The following CRPPA variants were observed in gnomAD, a reference collection of about 807,000 sequenced individuals.
CRPPA encodes the protein D-ribitol-5-phosphate cytidylyltransferase.
A neutral mutation model predicts 52.0 loss-of-function variants in CRPPA; 43 were observed. The observed-to-expected ratio is 0.83, with a 90% CI of 0.65 to 1.07. CRPPA has a LOEUF of 1.07. CRPPA is among the 50% of genes least tolerant of loss of function. CRPPA has a pLI of 0.00. For missense variants in CRPPA, 629 were observed against 551.7 expected, an observed-to-expected ratio of 1.14 and a Z score of -1.40; for synonymous variants, 250 against 203.5, an observed-to-expected ratio of 1.23 and a Z score of -1.94.
chr7:16,152,600 G>A (rs1286568491), intron 9 of CRPPA, among the ~76,000 whole-genome samples: 1 of 151,874 alleles, frequency 6.6e-6, no homozygotes, highest in African/African-American at 2.4e-5. Flanking sequence ...TGAAACTGAG[G>A]TTAAAACAAC....
chr7:16,140,281 G>A (rs1456892120), intron 9 of CRPPA, among the ~76,000 whole-genome samples: 1 of 151,994 alleles, frequency 6.6e-6, no homozygotes, highest in African/African-American at 2.4e-5. Context: ...CTGAGTAGCT[G>A]GGACTACAGG....
chr7:16,308,186 G>A (rs1304470174), intron 4 of CRPPA, among the ~76,000 whole-genome samples: 1 of 152,148 alleles, frequency 6.6e-6, no homozygotes, highest in Non-Finnish European at 1.5e-5. Context: ...GCAGAACCAT[G>A]AGCCAATTAA....
chr7:16,364,564 T>A (rs146768971), intron 3 of CRPPA, among the ~76,000 whole-genome samples: 2 of 152,328 alleles, frequency 1.3e-5, no homozygotes, highest in African/African-American at 4.8e-5. Context: ...AGCAGCAGAC[T>A]TGCAGGTTGC....
chr7:16,236,227 G>A (rs1482591373), intron 8 of CRPPA, among the ~76,000 whole-genome samples: 2 of 151,940 alleles, frequency 1.3e-5, no homozygotes, highest in South Asian at 2.1e-4. Flanking sequence ...CTATATTCTC[G>A]AAGTGGAAAT....
chr7:16,246,001 T>C (rs1399092380), intron 8 of CRPPA, among the ~76,000 whole-genome samples: 2 of 152,074 alleles, frequency 1.3e-5, no homozygotes, highest in Non-Finnish European at 1.5e-5. Context: ...CTTCTTAAAA[T>C]AAGACAACAA....
intron 3 of CRPPA, among the ~76,000 whole-genome samples, chr7:16,342,820 CATATATAG>C (rs369398793): frequency 0.016 from 1,410 of 86,636 alleles, 68 homozygotes; most frequent in African/African-American, 0.072. Flanking sequence ...TATAGATATA[CATATATAG>C]ATATATAGAT....
intron 3 of CRPPA, among the ~76,000 whole-genome samples, chr7:16,324,929 A>C (rs931334637): frequency 2.2e-4 from 34 of 152,214 alleles, no homozygotes; most frequent in African/African-American, 8.0e-4. Flanking sequence ...TTTTTTAAGG[A>C]AATGTCTAGA....
At chr7:16,207,642 T>A (rs373138026) in intron 9 of CRPPA, among the ~76,000 whole-genome samples, 1 of 152,228 alleles carries the variant, frequency 6.6e-6, no homozygotes, top group South Asian at 2.1e-4. Context: ...AATAATGCCA[T>A]GTACATTAGA....
At chr7:16,213,684 G>A (rs1782216900) in intron 9 of CRPPA, among the ~76,000 whole-genome samples, 1 of 151,844 alleles carries the variant, frequency 6.6e-6, no homozygotes, top group South Asian at 2.1e-4. Context: ...AGGAGGTGGA[G>A]GTTGCAATGA....
intron 3 of CRPPA, among the ~76,000 whole-genome samples, chr7:16,352,230 A>G (rs1786173926): frequency 6.6e-6 from 1 of 150,720 alleles, no homozygotes; most frequent in Non-Finnish European, 1.5e-5. Flanking sequence ...ACATGGACAC[A>G]GGGGAGGGGA....
chr7:16,244,682 C>G (rs1783219555), intron 8 of CRPPA, among the ~76,000 whole-genome samples: 1 of 152,130 alleles, frequency 6.6e-6, no homozygotes, highest in Non-Finnish European at 1.5e-5. Context: ...CTGCAAATGA[C>G]AACCTTAACT....
rs1023849804 is a variant in CRPPA at position 16,116,462 on chromosome 7, C to T, written c.1252-24663G>A. Among the ~76,000 whole-genome samples, 3 of 152,012 alleles carry T rather than the reference C, an allele frequency of 2.0e-5. No individual in the cohort carries two copies. In the South Asian group the frequency reaches 6.2e-4, roughly 31 times the overall value. On this transcript the variant is annotated intron_variant, in intron 9 of 9. Coordinates refer to ENST00000407010, the MANE Select transcript of CRPPA (RefSeq NM_001101426.4). ...GGTGGATCACCTGAGGTCAGGCATT[C>T]AAGACCAGCCTGGCCAACATGGCGA...
intron 8 of CRPPA, among the ~76,000 whole-genome samples, chr7:16,252,368 ACT>A (rs1409954262): frequency 6.6e-6 from 1 of 152,062 alleles, no homozygotes; most frequent in Non-Finnish European, 1.5e-5. Flanking sequence ...CATGCTAAAA[ACT>A]CTCAATAAAC....
intron 5 of CRPPA, among the ~76,000 whole-genome samples, chr7:16,293,655 A>G (rs1032176647): frequency 6.6e-6 from 1 of 151,992 alleles, no homozygotes; most frequent in Non-Finnish European, 1.5e-5. Flanking sequence ...CATGCAAGAA[A>G]ACCATACACG....
chr7:16,128,436 G>T (rs147726036), intron 9 of CRPPA, among the ~76,000 whole-genome samples: 232 of 152,148 alleles, frequency 1.5e-3, no homozygotes, highest in Admixed American at 3.7e-3. Flanking sequence ...AGGGAAATCT[G>T]AAGAGTTTTT....
intron 8 of CRPPA, among the ~76,000 whole-genome samples, chr7:16,245,983 T>C (rs992389467): frequency 6.6e-6 from 1 of 152,118 alleles, no homozygotes; most frequent in African/African-American, 2.4e-5. Flanking sequence ...GTTGGGTGGA[T>C]GTGGCAACTT....
intron 3 of CRPPA, among the ~76,000 whole-genome samples, chr7:16,344,212 A>G (rs1391320445): frequency 6.6e-6 from 1 of 152,076 alleles, no homozygotes. Flanking sequence ...TTGCCAATAT[A>G]GAGGAGGGAA....
chr7:16,408,296 G>A (rs1788002761), intron 1 of CRPPA, among the ~76,000 whole-genome samples: 1 of 152,068 alleles, frequency 6.6e-6, no homozygotes, highest in East Asian at 1.9e-4. Flanking sequence ...GAGACTTTGG[G>A]GGCATTCTCC....
At chr7:16,392,064 C>T (rs189603660) in intron 2 of CRPPA, among the ~76,000 whole-genome samples, 3 of 152,244 alleles carry the variant, frequency 2.0e-5, no homozygotes, top group African/African-American at 7.2e-5. Context: ...CACTTAATAG[C>T]TGTGTTATTT....
Sources: allele counts gnomAD v4.1 joint callset (sites outside exome capture counted in the v4.1 genomes callset), GRCh38; gene constraint gnomAD v4.1.1; transcripts MANE v1.5; gene names NCBI Gene and HGNC (gene_info 2026-07-23, HGNC 2026-07-21).